Variants in EZH2 observed in about 807,000 individuals in gnomAD.
EZH2 encodes the protein histone-lysine N-methyltransferase EZH2.
Under a neutral mutation model 98.4 loss-of-function variants are expected in EZH2, and 18 were observed. That is an observed-to-expected ratio of 0.18 (90% CI 0.13 to 0.27). The LOEUF is 0.27. EZH2 is among the 10% of genes least tolerant of loss of function. The probability of loss-of-function intolerance (pLI) is 1.00; values close to 1 mark genes in which losing one functional copy is unlikely to be tolerated. For missense variants in EZH2, 470 were observed against 935.1 expected (o/e 0.50, Z 6.49); for synonymous variants, 338 against 312.3 (o/e 1.08, Z -0.87).
intron 18 of EZH2, 67 bp downstream of exon 18, chr7:148,809,243 G>C (rs1040809895): frequency 6.3e-7 from 1 of 1,585,028 alleles, no homozygotes; most frequent in Non-Finnish European, 8.7e-7. Context: ...AACTATCCCA[G>C]AAGTATTCAA....
In EZH2 at chr7:148,846,512, C is replaced by T. The variant is rs927811947; in HGVS notation, c.204G>A (p.Val68=). ...QEWKQRRIQP[V]HILTSVSSLR... Reference sequence around the variant, plus strand: ...ATGAGCTCACAGAAGTCAGGATGTGCACAGGCTGTATCCTTCGCTGTTTCC... The same window carrying T: ...ATGAGCTCACAGAAGTCAGGATGTGTACAGGCTGTATCCTTCGCTGTTTCC... The change falls in exon 3 of 20, where the codon GTG becomes GTA. Residue 68 remains valine (V), a synonymous_variant. Coordinates refer to ENST00000320356, the MANE Select transcript of EZH2 (RefSeq NM_004456.5). 6.2e-7 allele frequency: 1 copy of T among 1,613,876 alleles called. No homozygotes were observed. Among genetic ancestry groups the T allele is most frequent in the African/African-American group, 1.3e-5 (1 of 74,994 alleles).
Position 148,807,561 on chromosome 7 carries a change from G to GTTCTT in EZH2, c.*80_*84dup. On this transcript the variant is annotated 3_prime_UTR_variant, in exon 20 of 20. Transcript: ENST00000320356. ...GCAAATTCAGAATTTCAAACTGCAT[G>GTTCTT]TTCTTTTTCTAAATTGCCCACAGTA... 1 of 1,106,938 alleles carries GTTCTT rather than the reference G, an allele frequency of 9.0e-7. No homozygotes were observed. The highest frequency in any genetic ancestry group is 1.3e-6 in the Non-Finnish European group (1 of 743,562). 68.6% of individuals were successfully genotyped at this position (1,106,938 alleles called of 1,614,324 possible). A position where few individuals can be genotyped will look rare whatever the true frequency, so the allele number is the denominator to read the frequency against.
intron 3 of EZH2, among the ~76,000 whole-genome samples, chr7:148,846,077 C>A (rs1258303887): frequency 2.6e-5 from 4 of 152,126 alleles, no homozygotes; most frequent in Non-Finnish European, 5.9e-5. Flanking sequence ...TAATAAAAAG[C>A]TTTCTTGTCC....
Position 148,810,426 on chromosome 7 carries a change from G to C in EZH2, c.1948-12C>G. On this transcript the variant is annotated splice_polypyrimidine_tract_variant and intron_variant, in intron 16 of 19. Transcript: ENST00000320356. ...TCTTGAGAAATAATCTAAAAAGAAAGACACAGGAGAAAATTCTTTTGGATA... is the reference window on the plus strand; with the variant it reads ...TCTTGAGAAATAATCTAAAAAGAAACACACAGGAGAAAATTCTTTTGGATA... 7 of 1,588,610 alleles carry C rather than the reference G, an allele frequency of 4.4e-6. No homozygotes were observed. Among genetic ancestry groups the C allele is most frequent in the Non-Finnish European group, 6.0e-6 (7 of 1,157,684 alleles).
chr7:148,828,702 C>G (rs756424410), intron 6 of EZH2, 38 bp downstream of exon 6: 1 of 1,587,860 alleles, frequency 6.3e-7, no homozygotes, highest in South Asian at 1.2e-5. Context: ...TGAAAGAAAG[C>G]TGTAATGGCT....
At chr7:148,828,611 C>T (rs761449307) in intron 6 of EZH2, 129 bp downstream of exon 6, 16 of 1,196,086 alleles carry the variant, frequency 1.3e-5, no homozygotes, top group African/African-American at 3.1e-5. Context: ...TTTGATTATA[C>T]TGCTATCAAT....
rs1212169886 is a variant in EZH2 at position 148,866,512 on chromosome 7, ATATATGTG to A, written c.-8+17644_-8+17651del. 3.3e-3 allele frequency among the ~76,000 whole-genome samples: 341 copies of A among 102,304 alleles called. 2 individuals are homozygous for A. The highest frequency in any genetic ancestry group is 0.012 in the African/African-American group (314 of 25,682). The allele number at this position is 102,304 out of a possible 152,430, so 67.1% of individuals were successfully genotyped here. ...GAAAAATATATATACGTATATACAT[ATATATGTG>A]TATATACATATATATACGTATATAC... On this transcript the variant is annotated intron_variant, in intron 1 of 19. Coordinates refer to ENST00000320356, the MANE Select transcript of EZH2 (RefSeq NM_004456.5).
chr7:148,856,999 A>G (rs1244543744), intron 1 of EZH2, among the ~76,000 whole-genome samples: 1 of 152,232 alleles, frequency 6.6e-6, no homozygotes, highest in Non-Finnish European at 1.5e-5. Flanking sequence ...TCTGTGAAAA[A>G]AAACCATAAC....
intron 1 of EZH2, among the ~76,000 whole-genome samples, chr7:148,883,891 C>A (rs542985030): frequency 2.0e-5 from 3 of 151,834 alleles, no homozygotes; most frequent in African/African-American, 4.8e-5. Flanking sequence ...AGGAGCCCCC[C>A]ACACGCCCCC....
Position 148,827,155 on chromosome 7 carries a change from A to C in EZH2, c.728+9T>G. On this transcript the variant is annotated intron_variant, in intron 7 of 19. Transcript: ENST00000320356. ...AGGGCAAGATTGCCTCAAAGGAACA[A>C]ATTCTTACTTTTCCTTTAGTTCTTC... The C allele has an allele frequency of 4.4e-6, 7 of 1,606,038 alleles. No homozygotes were observed. Among genetic ancestry groups the C allele is most frequent in the Non-Finnish European group, 6.0e-6 (7 of 1,175,934 alleles).
At chr7:148,861,057 G>A (rs1396832900) in intron 1 of EZH2, among the ~76,000 whole-genome samples, 8 of 151,978 alleles carry the variant, frequency 5.3e-5, no homozygotes, top group Admixed American at 5.2e-4. Context: ...GGAACTTCAT[G>A]GATACCAAAA....
chr7:148,810,499 C>T (rs1434308768), intron 16 of EZH2, 85 bp from the exon 17 acceptor site: 7 of 797,416 alleles, frequency 8.8e-6, no homozygotes, highest in Admixed American at 2.0e-5. Flanking sequence ...AGAGTGAATA[C>T]TGGACCTTCT....
At chr7:148,842,511 C>T (rs1426786261) in intron 3 of EZH2, among the ~76,000 whole-genome samples, 1 of 152,156 alleles carries the variant, frequency 6.6e-6, no homozygotes, top group Admixed American at 6.5e-5. Context: ...TCTTGACTAA[C>T]AGTGACATAT....
At chr7:148,836,088 G>T (rs1210025772) in intron 3 of EZH2, among the ~76,000 whole-genome samples, 1 of 152,064 alleles carries the variant, frequency 6.6e-6, no homozygotes, top group African/African-American at 2.4e-5. Context: ...GCTCTCTGAG[G>T]GCAAAAGCAG....
At chr7:148,824,997 G>A (rs1807281368) in intron 8 of EZH2, among the ~76,000 whole-genome samples, 1 of 152,106 alleles carries the variant, frequency 6.6e-6, no homozygotes, top group African/African-American at 2.4e-5. Flanking sequence ...ATCTCTGAAT[G>A]GCACAATAAA....
At chr7:148,828,968 A>G in intron 5 of EZH2, 88 bp from the exon 6 acceptor site, 10 of 1,307,132 alleles carry the variant, frequency 7.7e-6, no homozygotes, top group Non-Finnish European at 9.5e-6. Context: ...CAAAACAGGC[A>G]TAGCCTAGTA....
chr7:148,808,901 T>C (rs1019396347), intron 19 of EZH2, among the ~76,000 whole-genome samples, 170 bp downstream of exon 19: 1 of 152,172 alleles, frequency 6.6e-6, no homozygotes, highest in Non-Finnish European at 1.5e-5. Flanking sequence ...GTATAATATA[T>C]AAATGGATAA....
At chr7:148,821,253 G>A (rs1390645440) in intron 8 of EZH2, among the ~76,000 whole-genome samples, 1 of 152,112 alleles carries the variant, frequency 6.6e-6, no homozygotes, top group African/African-American at 2.4e-5. Context: ...TGAAGACAAT[G>A]CAGTAAGGTA....
At chr7:148,862,647 G>A (rs1388671772) in intron 1 of EZH2, among the ~76,000 whole-genome samples, 4 of 152,096 alleles carry the variant, frequency 2.6e-5, no homozygotes, top group Non-Finnish European at 4.4e-5. Flanking sequence ...ACTTAATCAC[G>A]TAAGTGCTTT....
Sources: allele counts gnomAD v4.1 joint callset (sites outside exome capture counted in the v4.1 genomes callset), GRCh38; gene constraint gnomAD v4.1.1; transcripts MANE v1.5; gene names NCBI Gene and HGNC (gene_info 2026-07-23, HGNC 2026-07-21).